The following KEL variants were observed in gnomAD, a reference collection of about 807,000 sequenced individuals.
KEL encodes the protein kell blood group glycoprotein.
A neutral mutation model predicts 99.5 loss-of-function variants in KEL; 96 were observed. That is an observed-to-expected ratio of 0.97 (90% confidence interval 0.82 to 1.14). The LOEUF is 1.14. KEL is among the 50% of genes most tolerant of loss of function. The pLI is 0.00. For synonymous variants in KEL, 355 were observed against 354.8 expected (o/e 1.00, Z -0.01); for missense variants, 926 against 924.2 (o/e 1.00, Z -0.03).
At chr7:142,952,669 C>T (rs1239578706) in intron 9 of KEL, 31 bp from the exon 10 acceptor site, 17 of 1,613,130 alleles carry the variant, frequency 1.1e-5, no homozygotes, top group Non-Finnish European at 1.3e-5. Flanking sequence ...CACACATATA[C>T]CCCAGGAATC....
At chr7:142,942,566 T>C (rs779446787) in intron 17 of KEL, 37 bp from the exon 18 acceptor site, 1 of 1,464,366 alleles carries the variant, frequency 6.8e-7, no homozygotes, top group East Asian at 2.3e-5. Context: ...CATCAGGCTC[T>C]AGACCTGTGG....
In KEL at chr7:142,954,462, T is replaced by C; in HGVS notation, c.735+3A>G. 1 of 1,613,782 alleles carries C rather than the reference T, an allele frequency of 6.2e-7. No homozygotes were observed. On this transcript the variant is annotated splice_donor_region_variant and intron_variant, in intron 7 of 18. Transcript: ENST00000355265. ...CAGGGCCTTTGTCCATGTGCCATCT[T>C]ACCTGGGCATAGATCTTCTGTTCTT... is the stretch of plus-strand genomic sequence containing the variant.
intron 7 of KEL, 33 bp from the exon 8 acceptor site, chr7:142,954,405 G>A (rs1796774299): frequency 6.2e-7 from 1 of 1,612,560 alleles, no homozygotes; most frequent in African/African-American, 1.3e-5. Flanking sequence ...ACAGGTGCCA[G>A]AGGTCCCTGC....
chr7:142,944,238 T>C (rs959509283), intron 13 of KEL, 85 bp downstream of exon 13: 3 of 1,145,074 alleles, frequency 2.6e-6, no homozygotes, highest in Non-Finnish European at 4.0e-6. Context: ...CAGGGAAAAC[T>C]GATTGTCCAA....
chr7:142,960,781 T>C, intron 4 of KEL, 147 bp downstream of exon 4: 2 of 874,976 alleles, frequency 2.3e-6, no homozygotes, highest in Non-Finnish European at 3.9e-6. Flanking sequence ...TACTCCCCCA[T>C]CATCTCCAAT....
chr7:142,957,053 C>T (rs1000789509), intron 6 of KEL, among the ~76,000 whole-genome samples: 2 of 152,184 alleles, frequency 1.3e-5, no homozygotes, highest in African/African-American at 4.8e-5. Flanking sequence ...TGGTCCTGTT[C>T]TAAAGAGGCT....
intron 10 of KEL, chr7:142,946,667 C>T (rs1796539593): frequency 2.8e-6 from 1 of 358,940 alleles, no homozygotes; most frequent in South Asian, 3.3e-5. Flanking sequence ...CCCCCTGTTC[C>T]CCCACCACCA....
Position 142,961,045 on chromosome 7 carries a change from T to G in KEL, c.283A>C (p.Thr95Pro), listed in dbSNP as rs1291027666. 3.1e-6 allele frequency: 5 copies of G among 1,614,186 alleles called. No homozygotes were observed. The highest frequency in any genetic ancestry group is 4.2e-6 in the Non-Finnish European group (5 of 1,180,028). Residue 95 changes from threonine (T) to proline (P), a missense_variant, in exon 4 of 19, where the codon ACA (threonine) becomes CCA (proline). Coordinates refer to ENST00000355265, the MANE Select transcript of KEL (RefSeq NM_000420.3). ...AAGTCGGTGCAGGGGGCCACACTTG[T>G]GTTCCCAGAGGCCAGGTAATGATCC... ...LRDHYLASGN[T>P]SVAPCTDFFS...
At chr7:142,942,563 C>T (rs748821936) in intron 17 of KEL, 34 bp from the exon 18 acceptor site, 347 of 1,499,214 alleles carry the variant, frequency 2.3e-4, no homozygotes, top group Admixed American at 5.0e-4. Flanking sequence ...GGCCATCAGG[C>T]TCTAGACCTG....
rs1796419877 is a variant in KEL, at chr7:142,943,345, T to C, written c.1704-2A>G. The C allele has an allele frequency of 1.9e-6, 3 of 1,613,986 alleles. No individual in the cohort carries two copies. Among genetic ancestry groups the C allele is most frequent in the Non-Finnish European group, 2.5e-6 (3 of 1,179,990 alleles). On this transcript the variant is annotated splice_acceptor_variant, in intron 15 of 18. Coordinates refer to ENST00000355265, the MANE Select transcript of KEL (RefSeq NM_000420.3). LOFTEE classifies it high-confidence loss of function. The stretch of plus-strand genomic sequence containing the variant: ...CCAGCAGCGCCAAAGTTCACGGCTC[T>C]AGGGAGACAAGGGCTTATTTGACCC...
At chr7:142,958,508 G>GAGTC in intron 4 of KEL, 80 bp from the exon 5 acceptor site, 1 of 1,356,310 alleles carries the variant, frequency 7.4e-7, no homozygotes, top group East Asian at 2.3e-5. Flanking sequence ...GGGGTCTGGG[G>GAGTC]AGTCATGCCC....
chr7:142,962,246 A>C lies in KEL; in HGVS notation c.-40T>G. ...TGGCTCCAGAATCCTTCCTGGTTCC[A>C]CTCTAGGAGCTGATTCGGAGGACTG... On this transcript the variant is annotated 5_prime_UTR_variant, in exon 1 of 19. Coordinates refer to ENST00000355265, the MANE Select transcript of KEL (RefSeq NM_000420.3). 1.9e-6 allele frequency: 3 copies of C among 1,613,238 alleles called. No individual in the cohort carries two copies. Among genetic ancestry groups the C allele is most frequent in the South Asian group, 2.2e-5 (2 of 91,066 alleles).
In KEL at chr7:142,941,148, AT is replaced by A; in HGVS notation, c.*103del. 7.5e-7 allele frequency: 1 copy of A among 1,340,506 alleles called. No individual in the cohort carries two copies. Among genetic ancestry groups the A allele is most frequent in the Non-Finnish European group, 1.1e-6 (1 of 938,398 alleles). The allele number at this position is 1,340,506 out of a possible 1,614,324, so 83.0% of individuals were successfully genotyped here. On this transcript the variant is annotated 3_prime_UTR_variant, in exon 19 of 19. Transcript: ENST00000355265. Reference sequence around the variant, plus strand: ...AAGCGGAAGCCAAGTGCCAGCTTTTATTTTTGGAACAGAAGCAGAAAGGAAA... The same window carrying A: ...AAGCGGAAGCCAAGTGCCAGCTTTTATTTTGGAACAGAAGCAGAAAGGAAA...
At chr7:142,944,471 C>T in intron 12 of KEL, 71 bp from the exon 13 acceptor site, 3 of 1,348,454 alleles carry the variant, frequency 2.2e-6, no homozygotes, top group Non-Finnish European at 3.2e-6. Context: ...CCACTCGTTG[C>T]CCTGTCCCAG....
chr7:142,960,747 C>T (rs926079097), intron 4 of KEL, among the ~76,000 whole-genome samples, 181 bp downstream of exon 4: 1 of 152,188 alleles, frequency 6.6e-6, no homozygotes, highest in Non-Finnish European at 1.5e-5. Context: ...CAAACCCAGG[C>T]AGCTCCCGCC....
rs1230602052 is a variant in KEL, at chr7:142,953,949, G to A, written c.932C>T (p.Ala311Val). The change falls in exon 9 of 19, where the codon GCC becomes GTC. Residue 311 changes from alanine to valine, a missense_variant. By Grantham distance (64) the Ala-to-Val change is moderately conservative. Coordinates refer to ENST00000355265, the MANE Select transcript of KEL (RefSeq NM_000420.3). ...MVTIDQLKEMAPAIDWLSCLQ... is the reference protein window; with the variant it reads ...MVTIDQLKEMVPAIDWLSCLQ... The stretch of plus-strand genomic sequence containing the variant: ...GCAGGACAACCAGTCGATGGCGGGG[G>A]CCATTTCCTTAGAGGAGGGACACAA... 8 of 1,613,922 alleles carry A rather than the reference G, an allele frequency of 5.0e-6. No homozygotes were observed. In the Admixed American group the frequency reaches 1.0e-4, roughly 20 times the overall value.
Position 142,954,267 on chromosome 7 carries a change from G to A in KEL, c.841C>T (p.Arg281Trp), listed in dbSNP as rs8176059. The A allele has an allele frequency of 9.3e-3, 15,014 of 1,614,062 alleles. 82 individuals carry two copies. The highest frequency in any genetic ancestry group is 0.011 in the Non-Finnish European group (12,670 of 1,179,986). ...AGGGGCCTCAGAAACTGGAACAGCC[G>A]TGAAGTGATGGAGATTGACAAGGAA... ...HSSLSISITS[R>W]LFQFLRPLEQ... Residue 281 changes from arginine (R) to tryptophan (W), a missense_variant, in exon 8 of 19, where the codon CGG (arginine) becomes TGG (tryptophan). Arg to Trp is a moderately radical substitution (Grantham distance 101). Coordinates refer to ENST00000355265, the MANE Select transcript of KEL (RefSeq NM_000420.3).
intron 15 of KEL, 39 bp downstream of exon 15, chr7:142,943,447 T>A (rs1393089057): frequency 6.2e-7 from 1 of 1,607,288 alleles, no homozygotes; most frequent in African/African-American, 1.3e-5. Context: ...CGGCCCCTCT[T>A]GGGAAACTCC....
chr7:142,961,640 G>T, intron 2 of KEL, 139 bp from the exon 3 acceptor site: 2 of 1,340,296 alleles, frequency 1.5e-6, no homozygotes, highest in Non-Finnish European at 2.1e-6. Flanking sequence ...CCTAAACCCA[G>T]CCCTACTTTA....
Sources: gnomAD v4.1 joint callset for allele counts (sites outside exome capture counted in the v4.1 genomes callset) on GRCh38, gnomAD v4.1.1 for gene constraint, MANE v1.5 for transcripts, NCBI Gene and HGNC (gene_info 2026-07-23, HGNC 2026-07-21) for gene names.